TRRAP: variants seen among roughly 807,000 people sequenced by gnomAD.
TRRAP encodes transformation/transcription domain-associated protein.
Under a neutral mutation model 438.8 loss-of-function variants are expected in TRRAP, and 41 were observed. That is an observed-to-expected ratio of 0.09 (90% CI 0.07 to 0.12). The LOEUF (loss-of-function observed/expected upper bound fraction) is 0.12, where lower values mean the gene tolerates loss of function less well. Among genes scored for constraint, TRRAP ranks in the 10% least tolerant of loss-of-function variants. The probability of loss-of-function intolerance (pLI) is 1.00; values close to 1 mark genes in which losing one functional copy is unlikely to be tolerated. For missense variants in TRRAP, 3,122 were observed against 5,055.1 expected (o/e 0.62, Z 11.60); for synonymous variants, 1,994 against 1,962.9 (o/e 1.02, Z -0.42).
chr7:98,953,232 C>T lies in TRRAP; in HGVS notation c.5529C>T (p.Ala1843=), dbSNP rs1791427680. ...TGCGGATCTACCTGCTGCAGTACGC[C>T]ACGCTGCTGGTGGAGCACGCCCCCC... is the stretch of plus-strand genomic sequence containing the variant. ...DSLRIYLLQY[A]TLLVEHAPHH... Residue 1843 remains alanine (A), a synonymous_variant, in exon 40 of 73, where the codon GCC becomes GCT. Transcript: ENST00000456197. 6.8e-6 allele frequency: 11 copies of T among 1,613,552 alleles called. No homozygotes were observed. The highest frequency in any genetic ancestry group is 9.3e-6 in the Non-Finnish European group (11 of 1,179,970).
chr7:98,939,854 G>T (rs1454163359), intron 30 of TRRAP, among the ~76,000 whole-genome samples: 2 of 152,122 alleles, frequency 1.3e-5, no homozygotes, highest in African/African-American at 2.4e-5. Flanking sequence ...TTGTATGCTT[G>T]CCTGAAGCAG....
intron 20 of TRRAP, 146 bp from the exon 21 acceptor site, chr7:98,921,607 G>A (rs2270012): frequency 1.9e-5 from 19 of 990,702 alleles, no homozygotes; most frequent in South Asian, 7.8e-5. Flanking sequence ...AACTCCTGAC[G>A]TCAGGTGATC....
In TRRAP at chr7:98,950,989, T is replaced by C. The variant is rs201549358; in HGVS notation, c.5448T>C (p.Ser1816=). The stretch of plus-strand genomic sequence containing the variant: ...GAGATAACCCAGAAAGCATCACCAG[T>C]GTGTTTATTACCAAGGTGGTATCAC... ...PEGDNPESIT[S]VFITKVLDPE... The change falls in exon 39 of 73, where the codon AGT becomes AGC. Residue 1816 remains serine, a synonymous_variant. Transcript: ENST00000456197. The C allele has an allele frequency of 1.0e-5, 16 of 1,604,002 alleles. No homozygotes were observed. In the East Asian group the frequency reaches 3.1e-4, roughly 31 times the overall value.
intron 26 of TRRAP, 29 bp downstream of exon 26, chr7:98,931,694 A>G (rs782209387): frequency 1.3e-6 from 2 of 1,591,158 alleles, no homozygotes; most frequent in South Asian, 1.1e-5. Context: ...GAACCAAGGT[A>G]ATTTCAACAA....
rs55637395 is a variant in TRRAP, at chr7:99,011,490, G to A, written c.11292G>A (p.Ala3764=). Residue 3764 remains alanine, a synonymous_variant, in exon 72 of 73, where the codon GCG becomes GCA. Transcript: ENST00000456197. This position sits in a 1 kb window ranked among gnomAD's most constrained non-coding sequence, Gnocchi z 7.1. ...TTIGVSGPLT[A]SMIAVARCFA... ...TCGGGGTCTCCGGCCCGTTGACAGC[G>A]TCCATGATTGCGGTCGCCCGGTGCT... The A allele has an allele frequency of 5.2e-5, 84 of 1,614,118 alleles. No homozygotes were observed. Among genetic ancestry groups the A allele is most frequent in the Middle Eastern group, 1.6e-4 (1 of 6,084 alleles).
At chr7:98,971,054 G>A (rs745609262) in intron 52 of TRRAP, among the ~76,000 whole-genome samples, 7 of 152,200 alleles carry the variant, frequency 4.6e-5, no homozygotes, top group Non-Finnish European at 7.3e-5. Flanking sequence ...CAGTCACCCC[G>A]TGCTGCAGGC....
chr7:98,882,342 TTTTC>T (rs1240192949), intron 3 of TRRAP, among the ~76,000 whole-genome samples: 12 of 152,008 alleles, frequency 7.9e-5, no homozygotes, highest in South Asian at 2.1e-4. Context: ...ATTCTTGTAC[TTTTC>T]TTTCTTTCTT....
rs1554407015 is a variant in TRRAP, at chr7:98,903,387, G to A, written c.906G>A (p.Val302=). Residue 302 remains valine (V), a synonymous_variant, in exon 12 of 73, where the codon GTG becomes GTA. Transcript: ENST00000456197. ...AYIIRIYQEL[V]TKYSQQMVKG... ...TCACTCTGTTCTTACAGGAGTTGGT[G>A]ACTAAGTATTCTCAGCAGATGGTGA... 1 of 1,614,210 alleles carries A rather than the reference G, an allele frequency of 6.2e-7. No individual in the cohort carries two copies. The highest frequency in any genetic ancestry group is 1.1e-5 in the South Asian group (1 of 91,082).
intron 49 of TRRAP, among the ~76,000 whole-genome samples, chr7:98,966,698 AG>A (rs894098632): frequency 6.6e-6 from 1 of 152,162 alleles, no homozygotes; most frequent in African/African-American, 2.4e-5. Context: ...AAAAAAAAAA[AG>A]TTGTTAAATG....
intron 62 of TRRAP, 90 bp downstream of exon 62, chr7:98,985,134 T>TAGAG: frequency 1.1e-6 from 1 of 920,946 alleles, no homozygotes. Flanking sequence ...AAGCTCAAGC[T>TAGAG]AGAAATGGGT....
At position 98,976,991 on chromosome 7, in the gene TRRAP, T is replaced by A; in HGVS notation, c.8300T>A (p.Met2767Lys). ...TACTCCCTGTTACAAGAGGAAGATA[T>A]GTGGGCTGGTCTGTGGCAGAAGCGG... is the stretch of plus-strand genomic sequence containing the variant. Reference protein sequence around the residue: ...ELYSLLQEEDMWAGLWQKRCK... With the variant: ...ELYSLLQEEDKWAGLWQKRCK... The change falls in exon 56 of 73, where the codon ATG becomes AAG. Residue 2767 changes from methionine (M) to lysine (K), a missense_variant. Physicochemically the swap from Met to Lys is moderately conservative, Grantham distance 95. Around this residue, in one of 24 missense-constraint regions of TRRAP, gnomAD observed 992 missense variants for 1,281.2 expected, o/e 0.77. Coordinates refer to ENST00000456197, the MANE Select transcript of TRRAP (RefSeq NM_001375524.1). The surrounding 1 kb of genome is among the most constrained non-coding windows in gnomAD (Gnocchi z 4.6). The A allele has an allele frequency of 6.2e-7, 1 of 1,614,212 alleles. No individual in the cohort carries two copies. Among genetic ancestry groups the A allele is most frequent in the Non-Finnish European group, 8.5e-7 (1 of 1,180,036 alleles).
chr7:98,937,307 C>T (rs782323055), intron 29 of TRRAP, 30 bp downstream of exon 29: 11 of 1,598,128 alleles, frequency 6.9e-6, no homozygotes, highest in East Asian at 2.2e-5. Flanking sequence ...TGTATGCGCA[C>T]GCGTGTGTGC....
At position 98,983,467 on chromosome 7, in the gene TRRAP, G is replaced by T; in HGVS notation, c.9022+8G>T. On this transcript the variant is annotated splice_region_variant and intron_variant, in intron 60 of 72. Transcript: ENST00000456197. Reference sequence around the variant, plus strand: ...GGCAGCATCATTACCAGGGTAAACCGACCTGGTCCGGCATGCATTCATCAT... The same window carrying T: ...GGCAGCATCATTACCAGGGTAAACCTACCTGGTCCGGCATGCATTCATCAT... 4 of 1,613,934 alleles carry T rather than the reference G, an allele frequency of 2.5e-6. No homozygotes were observed. The highest frequency in any genetic ancestry group is 2.2e-5 in the South Asian group (2 of 91,018).
chr7:98,891,681 G>C (rs1162048191), intron 4 of TRRAP, among the ~76,000 whole-genome samples: 5 of 151,414 alleles, frequency 3.3e-5, no homozygotes. Context: ...GACTACAGGC[G>C]CCTGCCACCA....
rs1791187082 is a variant in TRRAP at position 98,948,494 on chromosome 7, C to A, written c.4669-72C>A. The A allele has an allele frequency of 6.2e-6, 10 of 1,613,246 alleles. No individual in the cohort carries two copies. Among genetic ancestry groups the A allele is most frequent in the Non-Finnish European group, 8.5e-6 (10 of 1,179,872 alleles). ...TTCATGCACTCCAGTAACAAGGGAC[C>A]TTGTTAGGTAGACAGCCTCAAGCTC... On this transcript the variant is annotated intron_variant, in intron 34 of 72. Coordinates refer to ENST00000456197, the MANE Select transcript of TRRAP (RefSeq NM_001375524.1). This position sits in a 1 kb window ranked among gnomAD's most constrained non-coding sequence, Gnocchi z 4.9.
intron 22 of TRRAP, among the ~76,000 whole-genome samples, chr7:98,925,472 C>T (rs971431739): frequency 1.4e-4 from 21 of 152,180 alleles, no homozygotes; most frequent in African/African-American, 4.3e-4. Context: ...TCACAGTTGT[C>T]GCCTGCCTTT....
intron 51 of TRRAP, 75 bp downstream of exon 51, chr7:98,967,773 G>A (rs1792222604): frequency 1.5e-6 from 2 of 1,316,644 alleles, no homozygotes; most frequent in Admixed American, 1.9e-5. Context: ...AAGCCAGGAG[G>A]TGTTCACACA....
chr7:98,884,316 C>T (rs1365999100), intron 3 of TRRAP, among the ~76,000 whole-genome samples: 8 of 152,100 alleles, frequency 5.3e-5, no homozygotes, highest in African/African-American at 1.7e-4. Context: ...GGTGTGGTCA[C>T]AGCTCACTGC....
At chr7:98,964,517 G>A (rs1792064690) in intron 47 of TRRAP, 112 bp from the exon 48 acceptor site, 2 of 1,276,764 alleles carry the variant, frequency 1.6e-6, no homozygotes, top group African/African-American at 1.5e-5. Context: ...GTTGACACTG[G>A]GATTAACTAT....
Sources: allele counts gnomAD v4.1 joint callset (sites outside exome capture counted in the v4.1 genomes callset), GRCh38; gene constraint gnomAD v4.1.1; regional missense constraint gnomAD v4.1.1; non-coding constraint Gnocchi (gnomAD v3.1); transcripts MANE v1.5; gene names NCBI Gene and HGNC (gene_info 2026-07-23, HGNC 2026-07-21).